NRXN1: variants seen among roughly 807,000 people sequenced by gnomAD.
NRXN1 encodes neurexin 1.
A neutral mutation model predicts 150.9 loss-of-function variants in NRXN1; 39 were observed. That is an observed-to-expected ratio of 0.26 (90% CI 0.20 to 0.34). The LOEUF (loss-of-function observed/expected upper bound fraction) is 0.34, where lower values mean the gene tolerates loss of function less well. Ranked by LOEUF, NRXN1 falls within the 10% of genes least tolerant of loss-of-function variation. NRXN1 has a pLI of 1.00. For missense variants in NRXN1, 1,815 were observed against 1,949.9 expected (o/e 0.93, Z 1.30); for synonymous variants, 924 against 757.0 (o/e 1.22, Z -3.62).
In NRXN1 at chr2:50,854,726, T is replaced by C. The variant is rs192341728; in HGVS notation, c.832+67143A>G. The stretch of plus-strand genomic sequence containing the variant: ...TTCTGACAACGTTAAGCGGTTTCAG[T>C]AAGTGGTATGTAACCTGCAGTTTTC... On this transcript the variant is annotated intron_variant, in intron 5 of 22. Coordinates refer to ENST00000401669, the MANE Select transcript of NRXN1 (RefSeq NM_001330078.2). Among the ~76,000 whole-genome samples the C allele has an allele frequency of 2.8e-4, 43 of 152,190 alleles. 1 individual carries two copies. The South Asian group carries it at 8.7e-3, about 31-fold the overall frequency.
At chr2:50,469,615 C>A (rs899911453) in intron 16 of NRXN1, among the ~76,000 whole-genome samples, 3 of 151,274 alleles carry the variant, frequency 2.0e-5, no homozygotes. Context: ...ATGTGTGAAT[C>A]TCATCAACTG....
Position 50,522,719 on chromosome 2 carries a change from C to CCTTTTTTTTTTT in NRXN1, c.2374+5905_2374+5906insAAAAAAAAAAAG, listed in dbSNP as rs1323306682. On this transcript the variant is annotated intron_variant, in intron 12 of 22. Coordinates refer to ENST00000401669, the MANE Select transcript of NRXN1 (RefSeq NM_001330078.2). ...TTCCATTTATTCATTTATTTTTATT[C>CCTTTTTTTTTTT]ATTTTTTTTTTTTTTTTTTTTTTTT... Among the ~76,000 whole-genome samples, 44 of 86,596 alleles carry CCTTTTTTTTTTT rather than the reference C, an allele frequency of 5.1e-4. 17 individuals are homozygous for CCTTTTTTTTTTT. The highest frequency in any genetic ancestry group is 1.3e-3 in the African/African-American group (21 of 16,768). 56.8% of individuals were successfully genotyped at this position (86,596 alleles called of 152,430 possible).
intron 17 of NRXN1, among the ~76,000 whole-genome samples, chr2:50,382,322 A>G (rs2081029942): frequency 6.6e-6 from 1 of 152,206 alleles, no homozygotes; most frequent in Non-Finnish European, 1.5e-5. Context: ...GGAAATAAGA[A>G]TAGTCTTCTC....
chr2:50,448,590 A>G (rs1347517022), intron 17 of NRXN1, among the ~76,000 whole-genome samples: 4 of 152,212 alleles, frequency 2.6e-5, no homozygotes, highest in Non-Finnish European at 1.5e-5. Context: ...GGGAAAGTGT[A>G]GTTAATTGAA....
chr2:50,269,638 A>T (rs1193962351), intron 17 of NRXN1, among the ~76,000 whole-genome samples: 1 of 152,210 alleles, frequency 6.6e-6, no homozygotes, highest in Non-Finnish European at 1.5e-5. Context: ...TATGTTTTTA[A>T]AAAGAAAGAC....
At chr2:49,974,273 T>G in intron 21 of NRXN1, 1 of 591,066 alleles carries the variant, frequency 1.7e-6, no homozygotes, top group Admixed American at 2.3e-5. Context: ...ATGCTGCAGT[T>G]CCGTCTGCAG....
intron 5 of NRXN1, among the ~76,000 whole-genome samples, chr2:50,746,191 C>T (rs1384752097): frequency 6.6e-6 from 1 of 152,004 alleles, no homozygotes; most frequent in East Asian, 1.9e-4. Context: ...ACCTCAAGAA[C>T]ATTAAGGATT....
At chr2:50,667,739 C>G (rs2104699697) in intron 5 of NRXN1, among the ~76,000 whole-genome samples, 1 of 151,950 alleles carries the variant, frequency 6.6e-6, no homozygotes, top group African/African-American at 2.4e-5. Context: ...TCTTTACCAC[C>G]TATATGTTTC....
At chr2:49,997,922 C>T (rs924765251) in intron 21 of NRXN1, among the ~76,000 whole-genome samples, 2 of 152,082 alleles carry the variant, frequency 1.3e-5, no homozygotes, top group Non-Finnish European at 2.9e-5. Flanking sequence ...TAAAAATAAC[C>T]TTTACCTGTT....
chr2:50,597,995 C>T (rs994063398), intron 8 of NRXN1, among the ~76,000 whole-genome samples: 4 of 151,934 alleles, frequency 2.6e-5, no homozygotes, highest in African/African-American at 7.3e-5. Flanking sequence ...AAAAATTACC[C>T]GGGCATGGTG....
intron 2 of NRXN1, among the ~76,000 whole-genome samples, chr2:50,963,542 A>T (rs1209924032): frequency 6.6e-6 from 1 of 151,688 alleles, no homozygotes; most frequent in Non-Finnish European, 1.5e-5. Context: ...TTATTTTGCA[A>T]GTATATAGGT....
At chr2:50,304,167 C>A (rs552426315) in intron 17 of NRXN1, among the ~76,000 whole-genome samples, 7 of 152,224 alleles carry the variant, frequency 4.6e-5, no homozygotes, top group South Asian at 2.1e-4. Flanking sequence ...AATATGTATT[C>A]TTTTGGTTAT....
intron 18 of NRXN1, among the ~76,000 whole-genome samples, chr2:50,135,052 A>G (rs1205002165): frequency 6.6e-6 from 1 of 152,236 alleles, no homozygotes; most frequent in African/African-American, 2.4e-5. Context: ...GCACCAGAAT[A>G]TAATGTGGCC....
chr2:50,283,335 G>T (rs551599394), intron 17 of NRXN1, among the ~76,000 whole-genome samples: 1 of 152,258 alleles, frequency 6.6e-6, no homozygotes, highest in East Asian at 1.9e-4. Flanking sequence ...CTCTGAAGAT[G>T]CATTTATGTG....
At chr2:50,309,139 T>C (rs2074935784) in intron 17 of NRXN1, among the ~76,000 whole-genome samples, 1 of 152,220 alleles carries the variant, frequency 6.6e-6, no homozygotes, top group Non-Finnish European at 1.5e-5. Context: ...TATAGATTTG[T>C]TATTTGATGC....
At chr2:50,229,116 CT>C (rs1458712255) in intron 18 of NRXN1, among the ~76,000 whole-genome samples, 1 of 151,992 alleles carries the variant, frequency 6.6e-6, no homozygotes, top group Admixed American at 6.6e-5. Context: ...TGAGTACCCC[CT>C]ATCTATGCAC....
At chr2:50,261,835 G>A (rs2068319799) in intron 17 of NRXN1, among the ~76,000 whole-genome samples, 1 of 151,844 alleles carries the variant, frequency 6.6e-6, no homozygotes. Flanking sequence ...TGCAAATGTG[G>A]AAGTTCTCAA....
intron 17 of NRXN1, among the ~76,000 whole-genome samples, chr2:50,387,924 T>C (rs1407333606): frequency 6.6e-6 from 1 of 152,178 alleles, no homozygotes; most frequent in Non-Finnish European, 1.5e-5. Context: ...GGGGCTTGGG[T>C]AATGAAACAC....
At chr2:50,394,982 AAAAGGTCCCCTTTC>A (rs1185338829) in intron 17 of NRXN1, among the ~76,000 whole-genome samples, 1 of 152,034 alleles carries the variant, frequency 6.6e-6, no homozygotes, top group African/African-American at 2.4e-5. Context: ...AGGGTATAAT[AAAAGGTCCCCTTTC>A]AAAGAAGCCT....
Sources: gnomAD v4.1 joint callset for allele counts (sites outside exome capture counted in the v4.1 genomes callset) on GRCh38, gnomAD v4.1.1 for gene constraint, MANE v1.5 for transcripts, NCBI Gene and HGNC (gene_info 2026-07-23, HGNC 2026-07-21) for gene names.